Variants in MAPRE1 observed in about 807,000 individuals in gnomAD.
The protein encoded by MAPRE1 is microtubule associated protein RP/EB family member 1, also known as microtubule-associated protein RP/EB family member 1.
Under a neutral mutation model 32.1 loss-of-function variants are expected in MAPRE1, and 5 were observed. That is an observed-to-expected ratio of 0.16 (90% CI 0.08 to 0.33). The LOEUF (loss-of-function observed/expected upper bound fraction) is 0.33. Ranked by LOEUF, MAPRE1 falls within the 10% of genes least tolerant of loss-of-function variation. The pLI is 1.00. For missense variants in MAPRE1, 209 were observed against 327.2 expected, an observed-to-expected ratio of 0.64 and a Z score of 2.79; for synonymous variants, 122 against 118.9, an observed-to-expected ratio of 1.03 and a Z score of -0.17.
chr20:32,833,304 G>T (rs966865981), intron 2 of MAPRE1, among the ~76,000 whole-genome samples: 4 of 152,188 alleles, frequency 2.6e-5, no homozygotes, highest in Admixed American at 6.5e-5. Context: ...CTAGATCAAG[G>T]ATGGATCTTG....
intron 6 of MAPRE1, among the ~76,000 whole-genome samples, chr20:32,847,297 A>G (rs371111825): frequency 6.6e-6 from 1 of 152,204 alleles, no homozygotes. Context: ...TTTATTGCAC[A>G]GTCAAATCTG....
intron 5 of MAPRE1, among the ~76,000 whole-genome samples, chr20:32,845,992 A>G (rs1326916474): frequency 6.6e-6 from 1 of 152,226 alleles, no homozygotes; most frequent in Admixed American, 6.5e-5. Flanking sequence ...TTCACTTGTC[A>G]TAGATGTGAA....
In MAPRE1 at chr20:32,824,138, G is replaced by A. The variant is rs978839230; in HGVS notation, c.-3-1787G>A. On this transcript the variant is annotated intron_variant, in intron 1 of 6. Transcript: ENST00000375571. ...ATGTTTGTTGGTGTATTTGGTCAGT[G>A]TCAGACTTTGCACCACTAGAATGTG... Among the ~76,000 whole-genome samples, 3 of 152,230 alleles carry A rather than the reference G, an allele frequency of 2.0e-5. No homozygotes were observed. The East Asian group carries it at 5.8e-4, about 29-fold the overall frequency.
chr20:32,839,089 C>G (rs189627925), intron 4 of MAPRE1, among the ~76,000 whole-genome samples: 5 of 152,326 alleles, frequency 3.3e-5, no homozygotes, highest in African/African-American at 1.2e-4. Flanking sequence ...CCTCACTCTT[C>G]TAAACTCCTT....
chr20:32,843,133 T>TTTTATTTA (rs561781690), intron 5 of MAPRE1: 2 of 151,946 alleles, frequency 1.3e-5, no homozygotes, highest in African/African-American at 2.4e-5. Flanking sequence ...CTGCACAGAG[T>TTTTATTTA]TTTATTTATT....
At chr20:32,848,526 C>G (rs1600337680) in intron 6 of MAPRE1, 146 bp from the exon 7 acceptor site, 1 of 507,204 alleles carries the variant, frequency 2.0e-6, no homozygotes, top group East Asian at 3.2e-5. Context: ...TGCAATTCTA[C>G]TACCCAAGAA....
At position 32,846,722 on chromosome 20, in the gene MAPRE1, A is replaced by G. The variant is rs1235624367; in HGVS notation, c.702A>G (p.Glu234=). The G allele has an allele frequency of 6.2e-7, 1 of 1,614,224 alleles. No individual in the cohort carries two copies. The highest frequency in any genetic ancestry group is 8.5e-7 in the Non-Finnish European group (1 of 1,180,026). ...IELICQENEG[E]NDPVLQRIVD... is the part of the protein sequence containing the mutation. ...TGATTTGCCAGGAGAACGAGGGGGA[A>G]AACGACCCTGTATTGCAGAGGATTG... The change falls in exon 6 of 7, where the codon GAA becomes GAG. Residue 234 remains glutamate, a synonymous_variant. Coordinates refer to ENST00000375571, the MANE Select transcript of MAPRE1 (RefSeq NM_012325.3).
chr20:32,846,774 T>C lies in MAPRE1; in HGVS notation c.750+4T>C. 6.2e-7 allele frequency: 1 copy of C among 1,614,016 alleles called. No individual in the cohort carries two copies. Reference sequence around the variant, plus strand: ...AGACATTCTGTATGCCACAGATGTATGTGTTTGACATGAGGATATTTTCTT... The same window carrying C: ...AGACATTCTGTATGCCACAGATGTACGTGTTTGACATGAGGATATTTTCTT... On this transcript the variant is annotated splice_donor_region_variant and intron_variant, in intron 6 of 6. Transcript: ENST00000375571.
chr20:32,826,169 T>C, intron 2 of MAPRE1, 121 bp downstream of exon 2: 1 of 812,312 alleles, frequency 1.2e-6, no homozygotes, highest in African/African-American at 1.7e-5. Flanking sequence ...AGGGCCACCC[T>C]GTTTCTTCCT....
intron 1 of MAPRE1, among the ~76,000 whole-genome samples, chr20:32,823,609 C>A (rs774306165): frequency 3.9e-5 from 6 of 152,180 alleles, no homozygotes; most frequent in Non-Finnish European, 8.8e-5. Context: ...GATTCTACCG[C>A]ACTTAAAACC....
At chr20:32,832,085 G>A (rs1399092264) in intron 2 of MAPRE1, among the ~76,000 whole-genome samples, 1 of 152,158 alleles carries the variant, frequency 6.6e-6, no homozygotes, top group Non-Finnish European at 1.5e-5. Flanking sequence ...GGTCACTGAA[G>A]TGCCCCTGCT....
intron 5 of MAPRE1, among the ~76,000 whole-genome samples, chr20:32,841,445 G>T (rs1027115675): frequency 2.0e-5 from 3 of 151,612 alleles, no homozygotes; most frequent in Non-Finnish European, 2.9e-5. Context: ...GCTGCTCTCT[G>T]CTCAGCTCTT....
chr20:32,823,941 CT>C (rs1240631900), intron 1 of MAPRE1, among the ~76,000 whole-genome samples: 2 of 152,328 alleles, frequency 1.3e-5, no homozygotes, highest in East Asian at 3.9e-4. Flanking sequence ...CTAACTCCTT[CT>C]GTTCCCACCT....
At chr20:32,829,943 A>C (rs1982971574) in intron 2 of MAPRE1, among the ~76,000 whole-genome samples, 1 of 152,270 alleles carries the variant, frequency 6.6e-6, no homozygotes, top group South Asian at 2.1e-4. Context: ...ACCTGGTCAA[A>C]GAGAATGATT....
chr20:32,834,623 A>G (rs1370269509), intron 3 of MAPRE1, among the ~76,000 whole-genome samples: 2 of 151,908 alleles, frequency 1.3e-5, no homozygotes, highest in African/African-American at 4.8e-5. Context: ...TTTTGAAATC[A>G]GGGTTTTTTT....
chr20:32,848,820 C>A lies in MAPRE1; in HGVS notation c.*92C>A. 1 of 1,119,538 alleles carries A rather than the reference C, an allele frequency of 8.9e-7. No homozygotes were observed. Among genetic ancestry groups the A allele is most frequent in the South Asian group, 1.6e-5 (1 of 61,424 alleles). 69.4% of individuals were successfully genotyped at this position (1,119,538 alleles called of 1,614,324 possible). A position where few individuals can be genotyped will look rare whatever the true frequency, so the allele number is the denominator to read the frequency against. On this transcript the variant is annotated 3_prime_UTR_variant, in exon 7 of 7. Coordinates refer to ENST00000375571, the MANE Select transcript of MAPRE1 (RefSeq NM_012325.3). ...TCCCTTTTGTTATCCTTAGAGGACT[C>A]ACTGGTTTCTTTTCATAAGCAAAAA...
chr20:32,839,892 G>C (rs765406456), intron 5 of MAPRE1, 36 bp downstream of exon 5: 1 of 1,612,320 alleles, frequency 6.2e-7, no homozygotes, highest in Non-Finnish European at 8.5e-7. Flanking sequence ...GAGTCACCTC[G>C]GGGGATAGGA....
rs1982640946 is a variant in MAPRE1, at chr20:32,820,020, C to G, written c.-12C>G. The G allele has an allele frequency of 6.6e-6, 1 of 151,670 alleles. No individual in the cohort carries two copies. The highest frequency in any genetic ancestry group is 1.5e-5 in the Non-Finnish European group (1 of 68,012). 9.4% of individuals were successfully genotyped at this position (151,670 alleles called of 1,614,324 possible). ...TTGCGGGCAGTGGACGCGGTTCTGCCGAGAGCCGGTGAGCCGGCTAGCGGG... is the reference window on the plus strand; with the variant it reads ...TTGCGGGCAGTGGACGCGGTTCTGCGGAGAGCCGGTGAGCCGGCTAGCGGG... On this transcript the variant is annotated 5_prime_UTR_variant, in exon 1 of 7. Coordinates refer to ENST00000375571, the MANE Select transcript of MAPRE1 (RefSeq NM_012325.3).
intron 3 of MAPRE1, 100 bp from the exon 4 acceptor site, chr20:32,836,534 T>C (rs1460443744): frequency 1.4e-6 from 1 of 700,418 alleles, no homozygotes; most frequent in Admixed American, 2.9e-5. Flanking sequence ...AATATTTTTT[T>C]CTCCTTTTGG....
Sources: allele counts gnomAD v4.1 joint callset (sites outside exome capture counted in the v4.1 genomes callset), GRCh38; gene constraint gnomAD v4.1.1; transcripts MANE v1.5; gene names NCBI Gene and HGNC (gene_info 2026-07-23, HGNC 2026-07-21).